The following DIAPH2 variants were observed in gnomAD, a reference collection of about 807,000 sequenced individuals.
DIAPH2 encodes diaphanous related formin 2.
Under a neutral mutation model 92.7 loss-of-function variants are expected in DIAPH2, and 35 were observed. The ratio of observed to expected loss-of-function variants is 0.38; its 90% confidence interval spans 0.29 to 0.50. The LOEUF is 0.50. Among genes scored for constraint, DIAPH2 ranks in the 20% least tolerant of loss-of-function variants. The probability of loss-of-function intolerance (pLI) is 0.94; values close to 1 mark genes in which losing one functional copy is unlikely to be tolerated. For synonymous variants in DIAPH2, 301 were observed against 280.4 expected, an observed-to-expected ratio of 1.07 and a Z score of -0.73; for missense variants, 701 against 819.5, an observed-to-expected ratio of 0.86 and a Z score of 1.77.
chrX:96,934,539 A>G (rs2065644319), intron 10 of DIAPH2, among the ~76,000 whole-genome samples: 1 of 111,590 alleles, frequency 9.0e-6, no homozygotes, highest in Non-Finnish European at 1.9e-5. Context: ...AGTAGAGTGA[A>G]ACTTTTTTTC....
At chrX:96,923,233 G>T (rs1408811740) in intron 9 of DIAPH2, among the ~76,000 whole-genome samples, 2 of 112,103 alleles carry the variant, frequency 1.8e-5, no homozygotes, top group Non-Finnish European at 3.8e-5. Flanking sequence ...ATACAAAGAA[G>T]TGGAGTAGCA....
chrX:96,801,950 A>G (rs2064585729), intron 4 of DIAPH2, among the ~76,000 whole-genome samples: 1 of 111,828 alleles, frequency 8.9e-6, no homozygotes, highest in Non-Finnish European at 1.9e-5. Context: ...TCAGTGAGTT[A>G]TCTCAAAGTG....
chrX:97,226,106 A>G (rs978921421), intron 22 of DIAPH2, among the ~76,000 whole-genome samples: 2 of 111,445 alleles, frequency 1.8e-5, no homozygotes, highest in Non-Finnish European at 3.8e-5. Context: ...AAGAGAAAGA[A>G]GAGCTAAAAC....
At chrX:96,963,554 T>G (rs1056048171) in intron 16 of DIAPH2, among the ~76,000 whole-genome samples, 1 of 111,536 alleles carries the variant, frequency 9.0e-6, no homozygotes, top group African/African-American at 3.3e-5. Flanking sequence ...GGCTCTCCTA[T>G]GGCTAGAATC....
chrX:96,814,339 G>A (rs1180041202), intron 4 of DIAPH2, among the ~76,000 whole-genome samples: 1 of 111,536 alleles, frequency 9.0e-6, no homozygotes, highest in Non-Finnish European at 1.9e-5. Context: ...TTGTGCACGC[G>A]TCACGTAGTT....
chrX:97,292,267 C>A (rs1287042119), intron 23 of DIAPH2, among the ~76,000 whole-genome samples: 1 of 110,138 alleles, frequency 9.1e-6, no homozygotes, highest in Non-Finnish European at 1.9e-5. Flanking sequence ...CTCCTGGGCT[C>A]AAGCAGTCCT....
At chrX:97,100,076 A>G (rs938576385) in intron 20 of DIAPH2, among the ~76,000 whole-genome samples, 2 of 111,524 alleles carry the variant, frequency 1.8e-5, no homozygotes, top group Admixed American at 1.9e-4. Context: ...AATATATGCA[A>G]ACAGTATACA....
intron 25 of DIAPH2, among the ~76,000 whole-genome samples, chrX:97,386,189 T>C (rs1369176683): frequency 8.9e-6 from 1 of 112,127 alleles, no homozygotes; most frequent in Non-Finnish European, 1.9e-5. Context: ...AAAAAAGTAA[T>C]ATTATGTAAA....
At chrX:97,285,497 G>A (rs1423920347) in intron 23 of DIAPH2, among the ~76,000 whole-genome samples, 1 of 110,191 alleles carries the variant, frequency 9.1e-6, no homozygotes, top group Non-Finnish European at 1.9e-5. Flanking sequence ...ATGTCAGGAT[G>A]GATACTACAA....
intron 22 of DIAPH2, among the ~76,000 whole-genome samples, chrX:97,238,569 G>GT (rs2068067193): frequency 9.7e-6 from 1 of 102,720 alleles, no homozygotes; most frequent in African/African-American, 3.8e-5. Context: ...CTTTTTAACA[G>GT]GTTTTTTTTT....
chrX:97,161,239 T>G (rs2067370188), intron 22 of DIAPH2, among the ~76,000 whole-genome samples: 1 of 109,945 alleles, frequency 9.1e-6, no homozygotes, highest in African/African-American at 3.3e-5. Context: ...GAGCCTTACT[T>G]TTCTCTTCCT....
intron 5 of DIAPH2, among the ~76,000 whole-genome samples, chrX:96,909,942 T>C (rs762795208): frequency 1.8e-5 from 2 of 110,746 alleles, no homozygotes; most frequent in East Asian, 5.6e-4. Flanking sequence ...GCAGTAGACA[T>C]AAAGAGAATA....
At chrX:96,934,737 C>T in intron 10 of DIAPH2, among the ~76,000 whole-genome samples, 1 of 111,802 alleles carries the variant, frequency 8.9e-6, no homozygotes, top group East Asian at 2.8e-4. Flanking sequence ...TTGTTACAAA[C>T]TCTACAGTGA....
chrX:97,165,874 G>A, intron 22 of DIAPH2, among the ~76,000 whole-genome samples: 1 of 110,463 alleles, frequency 9.1e-6, no homozygotes, highest in Non-Finnish European at 1.9e-5. Flanking sequence ...AAGTGCAGCT[G>A]CTTAAAAACC....
At chrX:97,174,327 C>T (rs748844660) in intron 22 of DIAPH2, among the ~76,000 whole-genome samples, 4 of 110,394 alleles carry the variant, frequency 3.6e-5, no homozygotes, top group South Asian at 7.6e-4. Flanking sequence ...AGTCAGAAGA[C>T]GTAGCAAGAA....
intron 22 of DIAPH2, among the ~76,000 whole-genome samples, chrX:97,171,537 AG>A (rs1433543055): frequency 1.8e-5 from 2 of 112,311 alleles, no homozygotes; most frequent in Non-Finnish European, 3.8e-5. Context: ...CAGCAGCAGA[AG>A]GTAGTCCTTA....
intron 3 of DIAPH2, among the ~76,000 whole-genome samples, chrX:96,748,398 A>G (rs1381043835): frequency 8.9e-6 from 1 of 112,035 alleles, no homozygotes; most frequent in Non-Finnish European, 1.9e-5. Flanking sequence ...TGAATAGGCT[A>G]CTGTGGGAAC....
chrX:97,158,615 GA>G (rs1175001818), intron 22 of DIAPH2, among the ~76,000 whole-genome samples: 1 of 112,095 alleles, frequency 8.9e-6, no homozygotes, highest in Admixed American at 9.5e-5. Context: ...TTGCATGAAA[GA>G]AAAAAGAAAT....
At chrX:97,091,819 C>CTT (rs1278264632) in intron 19 of DIAPH2, among the ~76,000 whole-genome samples, 1 of 111,383 alleles carries the variant, frequency 9.0e-6, no homozygotes, top group Non-Finnish European at 1.9e-5. Flanking sequence ...AGAATAATCA[C>CTT]TTTAAATATA....
Sources: allele counts gnomAD v4.1 joint callset (sites outside exome capture counted in the v4.1 genomes callset), GRCh38; gene constraint gnomAD v4.1.1; transcripts MANE v1.5; gene names NCBI Gene and HGNC (gene_info 2026-07-23, HGNC 2026-07-21).